RMC1: variants seen among roughly 807,000 people sequenced by gnomAD.
The protein encoded by RMC1 is regulator of MON1-CCZ1.
RMC1 carries 44 observed loss-of-function variants against 95.5 expected under a neutral mutation model. That is an observed-to-expected ratio of 0.46 (90% confidence interval 0.36 to 0.59). The LOEUF is 0.59. RMC1 is among the 20% of genes least tolerant of loss of function. The pLI is 0.00. For missense variants in RMC1, 705 were observed against 819.6 expected (o/e 0.86, Z 1.71); for synonymous variants, 320 against 303.6 (o/e 1.05, Z -0.56).
rs760503960 is a variant in RMC1, at chr18:23,503,590, G to GGCCCCCGC, written c.-28_-27insCCCCCGCG. On this transcript the variant is annotated 5_prime_UTR_variant, in exon 1 of 20. Transcript: ENST00000269221. ...TGCTCCACTCTGGCGACCGCCCCCG[G>GGCCCCCGC]GGCCCCCGCCGCGGGCGCGGCGCCC... The GGCCCCCGC allele has an allele frequency of 2.6e-6, 4 of 1,529,456 alleles. No individual in the cohort carries two copies. In the East Asian group the frequency reaches 1.1e-4, roughly 42 times the overall value. The allele number at this position is 1,529,456 out of a possible 1,614,324, so 94.7% of individuals were successfully genotyped here. A position where few individuals can be genotyped will look rare whatever the true frequency, so the allele number is the denominator to read the frequency against.
At chr18:23,509,794 G>A (rs1338142542) in intron 5 of RMC1, 1 of 151,932 alleles carries the variant, frequency 6.6e-6, no homozygotes, top group Non-Finnish European at 1.5e-5. Flanking sequence ...CCCGACCTCA[G>A]GTGATCCACC....
At position 23,531,717 on chromosome 18, in the gene RMC1, T is replaced by C. The variant is rs1335003152; in HGVS notation, c.*13T>C. ...TACAACATTCTGAAATCACTTGCTG[T>C]TTTTTTATATAAAAATGTGTACAAA... is the stretch of plus-strand genomic sequence containing the variant. On this transcript the variant is annotated 3_prime_UTR_variant, in exon 20 of 20. Coordinates refer to ENST00000269221, the MANE Select transcript of RMC1 (RefSeq NM_013326.5). 1 of 1,599,394 alleles carries C rather than the reference T, an allele frequency of 6.3e-7. No homozygotes were observed.
intron 13 of RMC1, among the ~76,000 whole-genome samples, chr18:23,527,418 A>C (rs1358093400): frequency 3.3e-5 from 5 of 151,412 alleles, no homozygotes; most frequent in Middle Eastern, 3.4e-3. Context: ...TAATAATAAT[A>C]ATCCCCTACC....
At chr18:23,521,253 A>C (rs1190274168) in intron 10 of RMC1, among the ~76,000 whole-genome samples, 1 of 152,228 alleles carries the variant, frequency 6.6e-6, no homozygotes, top group Non-Finnish European at 1.5e-5. Flanking sequence ...CTCCCTTGGG[A>C]GGAAATAGAA....
At chr18:23,517,870 A>G (rs1269610554) in intron 7 of RMC1, among the ~76,000 whole-genome samples, 2 of 152,098 alleles carry the variant, frequency 1.3e-5, no homozygotes, top group East Asian at 1.9e-4. Flanking sequence ...GGCGCATGCC[A>G]CCACATCTGG....
At chr18:23,527,223 CAAAAAAA>C (rs386387173) in intron 13 of RMC1, among the ~76,000 whole-genome samples, 22 of 43,652 alleles carry the variant, frequency 5.0e-4, no homozygotes, top group South Asian at 2.0e-3. Context: ...CCTGTCTCTA[CAAAAAAA>C]AAAAAAAAAA....
In RMC1 at chr18:23,503,835, C is replaced by A. The variant is rs2057651458; in HGVS notation, c.102+115C>A. 8 of 897,608 alleles carry A rather than the reference C, an allele frequency of 8.9e-6. No individual in the cohort carries two copies. The South Asian group carries it at 2.0e-4, about 22-fold the overall frequency. 55.6% of individuals were successfully genotyped at this position (897,608 alleles called of 1,614,324 possible). On this transcript the variant is annotated intron_variant, in intron 1 of 19. Coordinates refer to ENST00000269221, the MANE Select transcript of RMC1 (RefSeq NM_013326.5). ...CCCCTCCTGTCCTGTCCCGTCCCGT[C>A]CCAGCGCGGGAGGCGGCGCGCGCTC...
intron 5 of RMC1, among the ~76,000 whole-genome samples, chr18:23,515,135 A>G (rs568806977): frequency 6.6e-6 from 1 of 152,212 alleles, no homozygotes; most frequent in Non-Finnish European, 1.5e-5. Flanking sequence ...TGGAGGTGTC[A>G]GTTTCTTTTG....
intron 10 of RMC1, among the ~76,000 whole-genome samples, chr18:23,521,130 C>G (rs546917947): frequency 6.6e-6 from 1 of 152,300 alleles, no homozygotes; most frequent in Non-Finnish European, 1.5e-5. Flanking sequence ...GCTAGGATTA[C>G]AAGTGTGAGC....
At chr18:23,507,371 C>A (rs1363559328) in intron 3 of RMC1, among the ~76,000 whole-genome samples, 1 of 152,246 alleles carries the variant, frequency 6.6e-6, no homozygotes, top group South Asian at 2.1e-4. Context: ...GTGATTCTCT[C>A]GCCTCAGTCT....
intron 19 of RMC1, 150 bp from the exon 20 acceptor site, chr18:23,531,475 A>G: frequency 7.0e-7 from 1 of 1,427,544 alleles, no homozygotes; most frequent in Non-Finnish European, 9.2e-7. Flanking sequence ...TTGTCTCTCA[A>G]AGCAGATAGG....
At chr18:23,511,822 T>C (rs2057866495) in intron 5 of RMC1, among the ~76,000 whole-genome samples, 1 of 152,136 alleles carries the variant, frequency 6.6e-6, no homozygotes, top group Non-Finnish European at 1.5e-5. Flanking sequence ...GTAACATGCT[T>C]GTACACACTT....
chr18:23,504,077 G>A (rs556091815), intron 1 of RMC1, among the ~76,000 whole-genome samples: 2 of 152,352 alleles, frequency 1.3e-5, no homozygotes, highest in Admixed American at 6.5e-5. Flanking sequence ...TTGAAATTTT[G>A]TAAAGGGGGA....
chr18:23,507,663 T>TA (rs771829419), intron 3 of RMC1, among the ~76,000 whole-genome samples: 1 of 152,188 alleles, frequency 6.6e-6, no homozygotes, highest in Non-Finnish European at 1.5e-5. Context: ...TTTTAAGTGT[T>TA]AAAGTCTTGG....
intron 10 of RMC1, among the ~76,000 whole-genome samples, chr18:23,523,614 T>A (rs753324913): frequency 1.4e-5 from 2 of 145,678 alleles, no homozygotes; most frequent in African/African-American, 2.5e-5. Flanking sequence ...TCCTAGCTAC[T>A]CTGAAGGCTG....
chr18:23,527,941 A>G, intron 14 of RMC1, 40 bp downstream of exon 14: 4 of 1,461,018 alleles, frequency 2.7e-6, no homozygotes, highest in Non-Finnish European at 3.8e-6. Flanking sequence ...CTCCTCCCCC[A>G]CCCCCTCCCG....
Position 23,504,384 on chromosome 18 carries a change from G to C in RMC1, c.116G>C (p.Arg39Pro). The C allele has an allele frequency of 6.2e-7, 1 of 1,614,160 alleles. No individual in the cohort carries two copies. Among genetic ancestry groups the C allele is most frequent in the Non-Finnish European group, 8.5e-7 (1 of 1,180,012 alleles). The change falls in exon 2 of 20, where the codon CGA (arginine) becomes CCA (proline). Residue 39 changes from arginine to proline, a missense_variant. Coordinates refer to ENST00000269221, the MANE Select transcript of RMC1 (RefSeq NM_013326.5). Reference protein sequence around the residue: ...DEANKQVFAVRSGGATGVVVK... With the variant: ...DEANKQVFAVPSGGATGVVVK... ...TTTCCCTCTCAGGTTTTTGCTGTTCGATCTGGTGGAGCTACTGGCGTGGTA... is the reference window on the plus strand; with the variant it reads ...TTTCCCTCTCAGGTTTTTGCTGTTCCATCTGGTGGAGCTACTGGCGTGGTA...
Position 23,530,467 on chromosome 18 carries a change from G to C in RMC1, c.1749G>C (p.Arg583=), listed in dbSNP as rs766650743. The change falls in exon 19 of 20, where the codon CGG becomes CGC. Residue 583 remains arginine, a synonymous_variant. Coordinates refer to ENST00000269221, the MANE Select transcript of RMC1 (RefSeq NM_013326.5). ...HQVLAALRFI[R]GIGGHDNISA... The stretch of plus-strand genomic sequence containing the variant: ...TGTTAGCTGCCTTAAGGTTTATCCG[G>C]GGCATTGGTGGCCATGACAACATTT... 2.7e-5 allele frequency: 44 copies of C among 1,614,130 alleles called. No homozygotes were observed. The East Asian group carries it at 9.6e-4, about 35-fold the overall frequency.
At position 23,527,933 on chromosome 18, in the gene RMC1, C is replaced by T. The variant is rs772865570; in HGVS notation, c.1296+32C>T. On this transcript the variant is annotated intron_variant, in intron 14 of 19. Transcript: ENST00000269221. ...TACATGGAGTATGACAAAGGGTCCT[C>T]CTCCCCCACCCCCTCCCGGGTATTT... is the stretch of plus-strand genomic sequence containing the variant. 1.1e-5 allele frequency: 16 copies of T among 1,485,786 alleles called. No homozygotes were observed. In the East Asian group the frequency reaches 2.3e-4, roughly 22 times the overall value. The allele number at this position is 1,485,786 out of a possible 1,614,324, so 92.0% of individuals were successfully genotyped here.
Sources: gnomAD v4.1 joint callset for allele counts (sites outside exome capture counted in the v4.1 genomes callset) on GRCh38, gnomAD v4.1.1 for gene constraint, MANE v1.5 for transcripts, NCBI Gene and HGNC (gene_info 2026-07-23, HGNC 2026-07-21) for gene names.